TOX2: variants seen among roughly 807,000 people sequenced by gnomAD.
TOX2 encodes granulosa cell HMG box 1.
A neutral mutation model predicts 47.4 loss-of-function variants in TOX2; 15 were observed. The ratio of observed to expected loss-of-function variants is 0.32; its 90% CI spans 0.21 to 0.49. The LOEUF is 0.49. TOX2 is among the 20% of genes least tolerant of loss of function. The pLI is 0.99. For missense variants in TOX2, 622 were observed against 673.1 expected (o/e 0.92, Z 0.84); for synonymous variants, 290 against 296.6 (o/e 0.98, Z 0.23).
chr20:43,926,967 G>A (rs994207579), intron 1 of TOX2, among the ~76,000 whole-genome samples: 3 of 152,184 alleles, frequency 2.0e-5, no homozygotes, highest in Admixed American at 6.5e-5. Flanking sequence ...AAGTGCAAAG[G>A]AATGAGATAC....
intron 1 of TOX2, among the ~76,000 whole-genome samples, chr20:43,945,449 T>G (rs527959162): frequency 2.6e-5 from 4 of 152,244 alleles, no homozygotes; most frequent in Non-Finnish European, 5.9e-5. Flanking sequence ...TCCTTGGGCA[T>G]GCATCCATGC....
At chr20:43,994,459 C>CAAAA (rs1555837275) in intron 2 of TOX2, among the ~76,000 whole-genome samples, 111 of 127,994 alleles carry the variant, frequency 8.7e-4, no homozygotes, top group Admixed American at 2.5e-3. Context: ...ACCCTGTCTC[C>CAAAA]AAAAAAAAAA....
chr20:43,986,287 G>GTA (rs1448580695), intron 2 of TOX2, among the ~76,000 whole-genome samples: 6 of 152,132 alleles, frequency 3.9e-5, no homozygotes, highest in South Asian at 2.1e-4. Flanking sequence ...ATGTATGTAT[G>GTA]TGTGTATTTT....
chr20:44,026,250 G>C (rs4419280), intron 3 of TOX2, among the ~76,000 whole-genome samples: 1,467 of 82,836 alleles, frequency 0.018, 142 homozygotes, highest in Middle Eastern at 0.065. Flanking sequence ...TATATATATA[G>C]ACACACACAC....
chr20:44,041,168 C>A (rs183850912), intron 3 of TOX2, among the ~76,000 whole-genome samples: 56 of 152,316 alleles, frequency 3.7e-4, no homozygotes, highest in Non-Finnish European at 6.6e-4. Context: ...AGCAGGGTGG[C>A]CTTTAGCACC....
At chr20:43,933,933 G>T (rs143213289) in intron 1 of TOX2, among the ~76,000 whole-genome samples, 5 of 152,220 alleles carry the variant, frequency 3.3e-5, no homozygotes, top group African/African-American at 1.2e-4. Context: ...TGGGAGGCAG[G>T]ACTCGGGCTC....
rs573086740 is a variant in TOX2 at position 43,940,101 on chromosome 20, T to C, written c.99+25111T>C. 7.9e-5 allele frequency among the ~76,000 whole-genome samples: 12 copies of C among 152,240 alleles called. No homozygotes were observed. In the East Asian group the frequency reaches 2.3e-3, roughly 29 times the overall value. On this transcript the variant is annotated intron_variant, in intron 1 of 8. Transcript: ENST00000341197. The stretch of plus-strand genomic sequence containing the variant: ...GACAGTGTGGCTGAGGGATGGGGCA[T>C]TGGGTCTAGGAGCTTGGTGCAGAGC...
In TOX2 at chr20:44,068,823, C is replaced by T. The variant is rs749468992; in HGVS notation, c.*137C>T. ...CAGTGACACACCCATTGCCCGGGGG[C>T]TGAGTCTCTTCCTCAACCTCCCACC... On this transcript the variant is annotated 3_prime_UTR_variant, in exon 9 of 9. Coordinates refer to ENST00000341197, the MANE Select transcript of TOX2 (RefSeq NM_001098797.2). 1 of 1,199,770 alleles carries T rather than the reference C, an allele frequency of 8.3e-7. No homozygotes were observed. The highest frequency in any genetic ancestry group is 1.2e-6 in the Non-Finnish European group (1 of 826,362). 74.3% of individuals were successfully genotyped at this position (1,199,770 alleles called of 1,614,324 possible). A position where few individuals can be genotyped will look rare whatever the true frequency, so the allele number is the denominator to read the frequency against.
At chr20:44,006,832 G>A (rs1203701407) in intron 3 of TOX2, 40 bp downstream of exon 3, 1 of 1,594,046 alleles carries the variant, frequency 6.3e-7, no homozygotes. Context: ...GCTGATGACA[G>A]CAGGGAGGGG....
At chr20:43,944,340 T>G (rs1600667981) in intron 1 of TOX2, among the ~76,000 whole-genome samples, 2 of 152,162 alleles carry the variant, frequency 1.3e-5, no homozygotes, top group Admixed American at 6.5e-5. Flanking sequence ...AGGAGTGTGC[T>G]ATGGACAAAG....
At chr20:43,968,921 A>C (rs1462347994) in intron 1 of TOX2, among the ~76,000 whole-genome samples, 1 of 152,218 alleles carries the variant, frequency 6.6e-6, no homozygotes, top group Middle Eastern at 3.2e-3. Context: ...TTTTTGACCA[A>C]GGAACTGATA....
intron 3 of TOX2, among the ~76,000 whole-genome samples, chr20:44,037,675 T>C (rs1239373983): frequency 6.6e-6 from 1 of 152,154 alleles, no homozygotes; most frequent in Non-Finnish European, 1.5e-5. Context: ...ACTGAAATAC[T>C]AGATATTATT....
chr20:44,060,791 G>A (rs1186243270), intron 5 of TOX2, among the ~76,000 whole-genome samples: 1 of 152,104 alleles, frequency 6.6e-6, no homozygotes, highest in East Asian at 1.9e-4. Context: ...AGCATTAAAT[G>A]CCTACATCAA....
At chr20:43,960,010 T>A (rs966659471) in intron 1 of TOX2, among the ~76,000 whole-genome samples, 1 of 152,202 alleles carries the variant, frequency 6.6e-6, no homozygotes, top group Non-Finnish European at 1.5e-5. Context: ...TTCCTAGCTG[T>A]GTGGCCTTGG....
chr20:43,924,080 C>T (rs1029538630), intron 1 of TOX2, among the ~76,000 whole-genome samples: 1 of 152,154 alleles, frequency 6.6e-6, no homozygotes, highest in Admixed American at 6.5e-5. Flanking sequence ...AGAGGGCAGT[C>T]CCATTGAAGG....
chr20:44,047,355 C>T (rs1321293209), intron 3 of TOX2, among the ~76,000 whole-genome samples: 3 of 152,070 alleles, frequency 2.0e-5, no homozygotes, highest in Non-Finnish European at 2.9e-5. Flanking sequence ...GTTTCTGTTA[C>T]TAAAAAAGAA....
At chr20:43,923,810 G>A (rs1423417804) in intron 1 of TOX2, among the ~76,000 whole-genome samples, 4 of 152,114 alleles carry the variant, frequency 2.6e-5, no homozygotes, top group Admixed American at 6.5e-5. Context: ...TGAGGTGGGC[G>A]GAAGGGGTGC....
chr20:43,928,230 C>T (rs1014679561), intron 1 of TOX2, among the ~76,000 whole-genome samples: 3 of 152,180 alleles, frequency 2.0e-5, no homozygotes, highest in African/African-American at 4.8e-5. Context: ...TCAGTTTTCT[C>T]GTATACAAAA....
intron 3 of TOX2, among the ~76,000 whole-genome samples, chr20:44,035,253 C>A (rs76340833): frequency 0.039 from 5,963 of 152,326 alleles, 213 homozygotes; most frequent in African/African-American, 0.091. Flanking sequence ...TCTGGGAGAG[C>A]CTTCCCCTAC....
Sources: allele counts gnomAD v4.1 joint callset (sites outside exome capture counted in the v4.1 genomes callset), GRCh38; gene constraint gnomAD v4.1.1; transcripts MANE v1.5; gene names NCBI Gene and HGNC (gene_info 2026-07-23, HGNC 2026-07-21).